NBPF9: variants seen among roughly 807,000 people sequenced by gnomAD.
NBPF9 encodes the protein NBPF member 9, also known as NBPF family member NBPF9.
Under a neutral mutation model 97.8 loss-of-function variants are expected in NBPF9, and 91 were observed. The observed-to-expected ratio is 0.93, with a 90% confidence interval of 0.79 to 1.11. The LOEUF (loss-of-function observed/expected upper bound fraction) is 1.11, where lower values mean the gene tolerates loss of function less well. NBPF9 is among the 50% of genes least tolerant of loss of function. NBPF9 has a pLI of 0.00. For missense variants in NBPF9, 992 were observed against 939.5 expected, an observed-to-expected ratio of 1.06 and a Z score of -0.73; for synonymous variants, 334 against 359.5, an observed-to-expected ratio of 0.93 and a Z score of 0.80.
At chr1:149,054,105 A>C (rs1331970910) in exon 30 of NBPF9, 19 of 150,238 alleles carry the variant, frequency 1.3e-4, no homozygotes, top group African/African-American at 4.4e-4. Context: ...ATATTATAAC[A>C]CTGAATGTAA....
chr1:149,088,741 G>T (rs1437776506), intron 5 of NBPF9, among the ~76,000 whole-genome samples: 3 of 151,918 alleles, frequency 2.0e-5, no homozygotes, highest in Non-Finnish European at 4.4e-5. Context: ...AAAAGAGGCC[G>T]GGCATGGTGG....
At chr1:149,081,972 C>G (rs782755692) in exon 7 of NBPF9, 25 of 1,586,982 alleles carry the variant, frequency 1.6e-5, no homozygotes, top group African/African-American at 1.5e-4. Flanking sequence ...TACTGTATTT[C>G]TTCTGTCGGT....
intron 19 of NBPF9, 23 bp downstream of exon 19, chr1:149,064,408 T>C: frequency 1.1e-6 from 1 of 889,956 alleles, no homozygotes; most frequent in Non-Finnish European, 1.8e-6. Context: ...TCAAATTAAC[T>C]GTCCACAATT....
At chr1:149,055,563 G>C (rs1394233633) in exon 30 of NBPF9, 39 of 1,562,902 alleles carry the variant, frequency 2.5e-5, no homozygotes, top group Non-Finnish European at 3.4e-5. Flanking sequence ...CCTATGTCTG[G>C]GCTTCCAAAT....
At chr1:149,071,291 T>C (rs1233826806) in intron 15 of NBPF9, among the ~76,000 whole-genome samples, 152 bp from the exon 16 acceptor site, 1 of 152,076 alleles carries the variant, frequency 6.6e-6, no homozygotes, top group Non-Finnish European at 1.5e-5. Context: ...GGTAATCCTC[T>C]TCTCTCTGCA....
At chr1:149,093,269 G>A (rs1394426884) in intron 4 of NBPF9, among the ~76,000 whole-genome samples, 1 of 151,704 alleles carries the variant, frequency 6.6e-6, no homozygotes, top group African/African-American at 2.4e-5. Flanking sequence ...CCAGTCCTAA[G>A]GCGGTTTTCT....
chr1:149,071,647 G>C (rs1434531966), exon 15 of NBPF9: 3 of 1,314,222 alleles, frequency 2.3e-6, no homozygotes, highest in Non-Finnish European at 3.2e-6. Context: ...ACCTCAATTT[G>C]AACATCTTCA....
intron 3 of NBPF9, among the ~76,000 whole-genome samples, chr1:149,100,096 C>A: frequency 7.1e-6 from 1 of 140,316 alleles, no homozygotes; most frequent in East Asian, 2.3e-4. Flanking sequence ...TAGGTACGAT[C>A]CATAAAGTTT....
At chr1:149,062,833 A>G in intron 21 of NBPF9, 29 bp downstream of exon 21, 1 of 669,588 alleles carries the variant, frequency 1.5e-6, no homozygotes, top group African/African-American at 1.8e-5. Context: ...TCAACACAGA[A>G]TTAAGCATCC....
intron 29 of NBPF9, among the ~76,000 whole-genome samples, chr1:149,056,151 G>C (rs1331423641): frequency 6.6e-6 from 1 of 151,782 alleles, no homozygotes; most frequent in Non-Finnish European, 1.5e-5. Context: ...GAATTGGCCA[G>C]GTGACATACT....
chr1:149,071,939 G>C (rs1424453787), intron 14 of NBPF9, among the ~76,000 whole-genome samples: 1 of 151,368 alleles, frequency 6.6e-6, no homozygotes, highest in Non-Finnish European at 1.5e-5. Context: ...GGCTTGTGCA[G>C]CCTCTCTCTG....
rs587623180 is a variant in NBPF9 at position 149,073,648 on chromosome 1, G to A, written c.1091+120C>T. 1.5e-4 allele frequency: 115 copies of A among 770,302 alleles called. No homozygotes were observed. The East Asian group carries it at 2.6e-3, about 18-fold the overall frequency. 47.7% of individuals were successfully genotyped at this position (770,302 alleles called of 1,614,324 possible). On this transcript the variant is annotated intron_variant, in intron 13 of 29. Coordinates refer to ENST00000584027, the Ensembl canonical transcript of NBPF9. ...ATAAATATTTGTGTGTAGCGAGCCT[G>A]CCATGGCAATTCCTGCCCTTCCCCT... is the stretch of plus-strand genomic sequence containing the variant.
chr1:149,070,969 T>A, exon 16 of NBPF9: 2 of 1,612,564 alleles, frequency 1.2e-6, no homozygotes, highest in East Asian at 2.2e-5. Flanking sequence ...CCGTTCAACA[T>A]GAGAGGATGA....
chr1:149,072,135 T>G lies in NBPF9; in HGVS notation c.1307-459A>C, dbSNP rs587676539. Among the ~76,000 whole-genome samples the G allele has an allele frequency of 2.4e-3, 362 of 150,850 alleles. 2 individuals carry two copies. Among genetic ancestry groups the G allele is most frequent in the Admixed American group, 5.9e-3 (90 of 15,152 alleles). ...GCTTCTGCTGTGTTCTTCAGGGACATTCTATCCATGGGGAGTGCTCCAGTC... is the reference window on the plus strand; with the variant it reads ...GCTTCTGCTGTGTTCTTCAGGGACAGTCTATCCATGGGGAGTGCTCCAGTC... On this transcript the variant is annotated intron_variant, in intron 14 of 29. Coordinates refer to ENST00000584027, the Ensembl canonical transcript of NBPF9.
chr1:149,076,357 C>G (rs1464906222), intron 11 of NBPF9, among the ~76,000 whole-genome samples: 11 of 151,120 alleles, frequency 7.3e-5, no homozygotes, highest in African/African-American at 2.7e-4. Context: ...AGTAACATGC[C>G]AGCTAATTTT....
chr1:149,084,289 A>G (rs1246290067), intron 5 of NBPF9, among the ~76,000 whole-genome samples: 16 of 147,620 alleles, frequency 1.1e-4, no homozygotes, highest in Admixed American at 1.4e-4. Flanking sequence ...ATATATACAC[A>G]TATATACATG....
intron 14 of NBPF9, 140 bp downstream of exon 14, chr1:149,072,578 A>C: frequency 2.8e-6 from 4 of 1,419,034 alleles, no homozygotes; most frequent in Non-Finnish European, 3.9e-6. Flanking sequence ...TTCTTACCCA[A>C]GAAGTCCTTG....
intron 8 of NBPF9, 35 bp downstream of exon 8, chr1:149,080,018 C>G (rs781952743): frequency 6.4e-7 from 1 of 1,559,276 alleles, no homozygotes; most frequent in Non-Finnish European, 8.8e-7. Flanking sequence ...ATCTACACAC[C>G]TACCCGCCTG....
intron 8 of NBPF9, 50 bp from the exon 9 acceptor site, chr1:149,079,271 C>A: frequency 6.8e-6 from 8 of 1,180,632 alleles, no homozygotes; most frequent in South Asian, 1.2e-5. Context: ...GTTGAGTGAT[C>A]CGTTCAAATA....
Sources: allele counts gnomAD v4.1 joint callset (sites outside exome capture counted in the v4.1 genomes callset), GRCh38; gene constraint gnomAD v4.1.1; transcripts MANE v1.5; gene names NCBI Gene and HGNC (gene_info 2026-07-23, HGNC 2026-07-21).